The following LRP6 variants were observed in gnomAD, a reference collection of about 807,000 sequenced individuals.
The protein encoded by LRP6 is LDL receptor related protein 6, also known as low-density lipoprotein receptor-related protein 6.
In LRP6, 43 loss-of-function variants were observed where a neutral mutation model predicts 184.1. That is an observed-to-expected ratio of 0.23 (90% confidence interval 0.18 to 0.30). The LOEUF is 0.30. Among genes scored for constraint, LRP6 ranks in the 10% least tolerant of loss-of-function variants. The pLI is 1.00. For synonymous variants in LRP6, 719 were observed against 684.9 expected (o/e 1.05, Z -0.78); for missense variants, 1,571 against 2,005.3 (o/e 0.78, Z 4.14).
intron 2 of LRP6, among the ~76,000 whole-genome samples, chr12:12,233,189 T>TG (rs1485587152): frequency 1.3e-5 from 2 of 152,158 alleles, no homozygotes; most frequent in Non-Finnish European, 2.9e-5. Context: ...AAAAATTGTC[T>TG]GGGCGCGGTG....
At chr12:12,187,171 A>T in intron 3 of LRP6, 52 bp from the exon 4 acceptor site, 1 of 1,466,858 alleles carries the variant, frequency 6.8e-7, no homozygotes, top group Non-Finnish European at 9.4e-7. Context: ...TTCTTCTTCT[A>T]TCATAACGTC....
At chr12:12,233,577 G>T (rs1311495936) in intron 2 of LRP6, among the ~76,000 whole-genome samples, 7 of 152,214 alleles carry the variant, frequency 4.6e-5, no homozygotes. Context: ...AAAAGGGAAA[G>T]GGGGAGGACC....
chr12:12,120,065 A>G lies in LRP6; in HGVS notation c.*1061T>C. ...TATAAATGATTTCGTACTGTGATAT[A>G]TGCTGAAAGTAGTGCAAGGATATGA... On this transcript the variant is annotated 3_prime_UTR_variant, in exon 23 of 23. Transcript: ENST00000261349. 7.3e-6 allele frequency: 1 copy of G among 136,520 alleles called. No individual in the cohort carries two copies. The highest frequency in any genetic ancestry group is 2.2e-4 in the East Asian group (1 of 4,552). The allele number at this position is 136,520 out of a possible 1,614,324, so 8.5% of individuals were successfully genotyped here.
chr12:12,221,289 C>G (rs963387043), intron 2 of LRP6, among the ~76,000 whole-genome samples: 3 of 152,134 alleles, frequency 2.0e-5, no homozygotes, highest in Admixed American at 1.3e-4. Flanking sequence ...CCCAATTGAA[C>G]AGTTTGGTTC....
intron 2 of LRP6, among the ~76,000 whole-genome samples, chr12:12,235,020 G>A (rs763223912): frequency 1.3e-5 from 2 of 152,134 alleles, no homozygotes; most frequent in Non-Finnish European, 2.9e-5. Context: ...GATGGGACTA[G>A]GATAGAAGGG....
chr12:12,259,264 A>C (rs1253653825), intron 1 of LRP6, among the ~76,000 whole-genome samples: 2 of 146,826 alleles, frequency 1.4e-5, no homozygotes, highest in Non-Finnish European at 3.0e-5. Context: ...CTCCATCTCA[A>C]AAAAAAAAAA....
In LRP6 at chr12:12,179,925, T is replaced by A; in HGVS notation, c.1430A>T (p.Asp477Val). The stretch of plus-strand genomic sequence containing the variant: ...AACCAATACTACACGGTCAGAACCA[T>A]CCAGAGCTGCTCGCTCAATTTTCGG... ...EIPKIERAALDGSDRVVLVNT... is the reference protein window; with the variant it reads ...EIPKIERAALVGSDRVVLVNT... Residue 477 changes from aspartate (D) to valine (V), a missense_variant, in exon 7 of 23, where the codon GAT becomes GTT. Physicochemically the swap from Asp to Val is radical, Grantham distance 152. Coordinates refer to ENST00000261349, the MANE Select transcript of LRP6 (RefSeq NM_002336.3). 1 of 1,613,936 alleles carries A rather than the reference T, an allele frequency of 6.2e-7. No individual in the cohort carries two copies. Among genetic ancestry groups the A allele is most frequent in the Non-Finnish European group, 8.5e-7 (1 of 1,179,886 alleles).
At position 12,151,026 on chromosome 12, in the gene LRP6, A is replaced by C; in HGVS notation, c.2804T>G (p.Phe935Cys). 1.9e-6 allele frequency: 3 copies of C among 1,614,056 alleles called. No homozygotes were observed. Among genetic ancestry groups the C allele is most frequent in the Non-Finnish European group, 2.5e-6 (3 of 1,179,936 alleles). Residue 935 changes from phenylalanine (F) to cysteine (C), a missense_variant, in exon 13 of 23, where the codon TTC becomes TGC. Physicochemically the swap from Phe to Cys is radical, Grantham distance 205. This residue lies in a region of LRP6 where 763 missense variants were observed against 859.5 expected (regional missense o/e 0.89). Coordinates refer to ENST00000261349, the MANE Select transcript of LRP6 (RefSeq NM_002336.3). ...GGCACTCTTTTGACTGAAGAGCAGG[A>C]AAGTCGTAGGAGCTTAAAAGGAAGA... ...DNRTCSAPTTFLLFSQKSAIN... is the reference protein window; with the variant it reads ...DNRTCSAPTTCLLFSQKSAIN...
At chr12:12,121,693 C>T (rs544506709) in intron 22 of LRP6, among the ~76,000 whole-genome samples, 4 of 152,280 alleles carry the variant, frequency 2.6e-5, no homozygotes, top group East Asian at 1.9e-4. Flanking sequence ...TGTGCTCTTA[C>T]ATCTTCAAGT....
chr12:12,156,725 AT>A (rs1862589135), intron 12 of LRP6, among the ~76,000 whole-genome samples: 1 of 152,200 alleles, frequency 6.6e-6, no homozygotes, highest in African/African-American at 2.4e-5. Flanking sequence ...AACAGAGTTC[AT>A]TTTTGAAACA....
At chr12:12,128,626 A>C (rs1949705915) in intron 19 of LRP6, among the ~76,000 whole-genome samples, 1 of 152,248 alleles carries the variant, frequency 6.6e-6, no homozygotes, top group Non-Finnish European at 1.5e-5. Flanking sequence ...CACCATAAAT[A>C]AAGTCATCTA....
In LRP6 at chr12:12,184,047, C is replaced by G; in HGVS notation, c.909G>C (p.Lys303Asn). The G allele has an allele frequency of 3.1e-6, 5 of 1,613,642 alleles. No individual in the cohort carries two copies. Among genetic ancestry groups the G allele is most frequent in the Non-Finnish European group, 4.2e-6 (5 of 1,179,548 alleles). ...CSHLCLMSPV[K>N]PFYQCACPTG... is the part of the protein sequence containing the mutation. ...TGGGGCAAGCACACTGATAAAAAGG[C>G]TTGACTGGAGACATCAAACACAAAT... Residue 303 changes from lysine (K) to asparagine (N), a missense_variant, in exon 5 of 23, where the codon AAG becomes AAC. Physicochemically the swap from Lys to Asn is moderately conservative, Grantham distance 94 (BLOSUM62 0). Coordinates refer to ENST00000261349, the MANE Select transcript of LRP6 (RefSeq NM_002336.3).
chr12:12,168,006 T>A (rs1862934913), intron 7 of LRP6, among the ~76,000 whole-genome samples: 1 of 152,242 alleles, frequency 6.6e-6, no homozygotes, highest in African/African-American at 2.4e-5. Flanking sequence ...CCATTTTTAT[T>A]GTTTACTTTT....
intron 7 of LRP6, among the ~76,000 whole-genome samples, chr12:12,175,226 TAAA>T: frequency 6.6e-6 from 1 of 152,028 alleles, no homozygotes; most frequent in East Asian, 1.9e-4. Flanking sequence ...CCATCTCTAC[TAAA>T]AATACAAAAC....
rs1046919009 is a variant in LRP6 at position 12,203,460 on chromosome 12, A to G, written c.450-60T>C. 81 of 1,346,736 alleles carry G rather than the reference A, an allele frequency of 6.0e-5. No individual in the cohort carries two copies. The Middle Eastern group carries it at 9.0e-4, about 15-fold the overall frequency. The allele number at this position is 1,346,736 out of a possible 1,614,324, so 83.4% of individuals were successfully genotyped here. On this transcript the variant is annotated intron_variant, in intron 2 of 22. Transcript: ENST00000261349. ...AGCAGATATCAATCAAATACTCTGT[A>G]ATTATTACTATTAAAGAAAGCTCAG...
At chr12:12,223,051 C>T (rs976717408) in intron 2 of LRP6, among the ~76,000 whole-genome samples, 1 of 151,862 alleles carries the variant, frequency 6.6e-6, no homozygotes, top group African/African-American at 2.4e-5. Context: ...TTTAAATCAT[C>T]CTCCCAGACT....
intron 7 of LRP6, among the ~76,000 whole-genome samples, chr12:12,176,167 T>C (rs1224289550): frequency 6.6e-6 from 1 of 152,208 alleles, no homozygotes; most frequent in African/African-American, 2.4e-5. Context: ...TTAGTACTTA[T>C]TATGGGAAGG....
Position 12,135,305 on chromosome 12 carries a change from A to G in LRP6, c.3608-5T>C. 6.2e-7 allele frequency: 1 copy of G among 1,613,094 alleles called. No homozygotes were observed. Among genetic ancestry groups the G allele is most frequent in the East Asian group, 2.2e-5 (1 of 44,836 alleles). ...CCTGAGCACAAGGGTGCTGTCCTGC[A>G]AAGAGAAGAGGTGAGGATGGGGAGA... On this transcript the variant is annotated splice_region_variant and splice_polypyrimidine_tract_variant and intron_variant, in intron 16 of 22. Coordinates refer to ENST00000261349, the MANE Select transcript of LRP6 (RefSeq NM_002336.3).
At chr12:12,130,181 ATTCTT>A (rs1394599937) in intron 19 of LRP6, among the ~76,000 whole-genome samples, 3 of 150,038 alleles carry the variant, frequency 2.0e-5, no homozygotes, top group Non-Finnish European at 4.4e-5. Context: ...GACCAATTGA[ATTCTT>A]TTCTTTTTTT....
Sources: gnomAD v4.1 joint callset for allele counts (sites outside exome capture counted in the v4.1 genomes callset) on GRCh38, gnomAD v4.1.1 for gene constraint, gnomAD v4.1.1 regional missense constraint, MANE v1.5 for transcripts, NCBI Gene and HGNC (gene_info 2026-07-23, HGNC 2026-07-21) for gene names.